The following PITPNC1 variants were observed in gnomAD, a reference collection of about 807,000 sequenced individuals.
The protein encoded by PITPNC1 is cytoplasmic phosphatidylinositol transfer protein 1.
In PITPNC1, 18 loss-of-function variants were observed where a neutral mutation model predicts 44.7. The observed-to-expected ratio is 0.40, with a 90% CI of 0.28 to 0.60. The LOEUF (loss-of-function observed/expected upper bound fraction) is 0.60. Ranked by LOEUF, PITPNC1 falls within the 20% of genes least tolerant of loss-of-function variation. The pLI is 0.39. For missense variants in PITPNC1, 290 were observed against 418.4 expected (o/e 0.69, Z 2.68); for synonymous variants, 141 against 149.6 (o/e 0.94, Z 0.42).
intron 5 of PITPNC1, among the ~76,000 whole-genome samples, chr17:67,606,529 C>G (rs1422907523): frequency 6.6e-6 from 1 of 152,262 alleles, no homozygotes; most frequent in African/African-American, 2.4e-5. Context: ...CCTGAGACCC[C>G]TGGCCCACAC....
chr17:67,383,565 C>A (rs2037996205), intron 1 of PITPNC1, among the ~76,000 whole-genome samples: 1 of 152,146 alleles, frequency 6.6e-6, no homozygotes, highest in Admixed American at 6.6e-5. Context: ...CCACTCGGTC[C>A]CAGTGAGCGA....
chr17:67,456,766 GTCTT>G (rs1219576177), intron 1 of PITPNC1, among the ~76,000 whole-genome samples: 2 of 151,868 alleles, frequency 1.3e-5, no homozygotes, highest in Non-Finnish European at 2.9e-5. Context: ...GTCTTTACTC[GTCTT>G]TCTAAGTACT....
intron 1 of PITPNC1, among the ~76,000 whole-genome samples, chr17:67,462,120 G>A (rs546450929): frequency 2.0e-5 from 3 of 151,050 alleles, no homozygotes; most frequent in East Asian, 1.9e-4. Flanking sequence ...TTATTTGCTT[G>A]GTCCTTTGAA....
rs147093538 is a variant in PITPNC1 at position 67,682,615 on chromosome 17, T to C, written c.682+7073T>C. On this transcript the variant is annotated intron_variant, in intron 8 of 8. Transcript: ENST00000581322. ...CAGGGCATGTGTGTTCCCAAAATAC[T>C]TCCCAGGGCTGTTTAACCTCTGATA... is the stretch of plus-strand genomic sequence containing the variant. Among the ~76,000 whole-genome samples the C allele has an allele frequency of 1.7e-3, 261 of 152,308 alleles. 1 individual carries two copies. The highest frequency in any genetic ancestry group is 5.9e-3 in the African/African-American group (246 of 41,560).
intron 1 of PITPNC1, among the ~76,000 whole-genome samples, chr17:67,480,622 C>T (rs977071898): frequency 6.6e-5 from 10 of 151,916 alleles, no homozygotes; most frequent in Admixed American, 6.6e-5. Context: ...TGGCTTATTT[C>T]TGTAGGAAAA....
At chr17:67,386,919 T>C (rs942285329) in intron 1 of PITPNC1, among the ~76,000 whole-genome samples, 1 of 152,066 alleles carries the variant, frequency 6.6e-6, no homozygotes. Flanking sequence ...AATTTCAGAC[T>C]AGAAATCAGG....
intron 5 of PITPNC1, among the ~76,000 whole-genome samples, chr17:67,588,182 T>G (rs1176695128): frequency 3.9e-5 from 6 of 152,112 alleles, no homozygotes; most frequent in Non-Finnish European, 8.8e-5. Flanking sequence ...GTTTATATTT[T>G]TAGTAGAGAC....
chr17:67,514,175 G>A (rs1402464108), intron 1 of PITPNC1, among the ~76,000 whole-genome samples: 2 of 152,056 alleles, frequency 1.3e-5, no homozygotes, highest in African/African-American at 4.8e-5. Flanking sequence ...ACTACTTGGT[G>A]TAGAATTCAC....
At chr17:67,379,608 C>T (rs2037927638) in intron 1 of PITPNC1, among the ~76,000 whole-genome samples, 1 of 152,074 alleles carries the variant, frequency 6.6e-6, no homozygotes, top group South Asian at 2.1e-4. Flanking sequence ...TGCATATGAC[C>T]TTGTAAGTGG....
intron 1 of PITPNC1, among the ~76,000 whole-genome samples, chr17:67,440,001 G>A (rs1474243437): frequency 6.6e-6 from 1 of 152,146 alleles, no homozygotes; most frequent in Admixed American, 6.5e-5. Flanking sequence ...AGGTAGGCAG[G>A]AGGAAGATGA....
chr17:67,686,925 ACTTACTCAT>A, intron 8 of PITPNC1: 2 of 617,642 alleles, frequency 3.2e-6, no homozygotes, highest in South Asian at 4.0e-5. Flanking sequence ...TAACTTTATG[ACTTACTCAT>A]CATAAAGTTA....
At chr17:67,408,374 A>G (rs201549781) in intron 1 of PITPNC1, among the ~76,000 whole-genome samples, 1 of 149,898 alleles carries the variant, frequency 6.7e-6, no homozygotes, top group East Asian at 2.1e-4. Flanking sequence ...TACTAAAAAT[A>G]CAAAAATTAG....
At chr17:67,460,740 C>CTTTTTT (rs138545288) in intron 1 of PITPNC1, among the ~76,000 whole-genome samples, 2 of 121,534 alleles carry the variant, frequency 1.6e-5, no homozygotes, top group East Asian at 2.9e-4. Flanking sequence ...TTCTTTCTTT[C>CTTTTTT]TTTTTTTTTT....
intron 5 of PITPNC1, among the ~76,000 whole-genome samples, chr17:67,599,028 ATATATATTTT>A (rs1429763066): frequency 0.014 from 443 of 32,446 alleles, 2 homozygotes; most frequent in African/African-American, 0.053. Flanking sequence ...ATATATATAT[ATATATATTTT>A]TTTTTTTTTT....
intron 5 of PITPNC1, among the ~76,000 whole-genome samples, chr17:67,606,971 C>T (rs1255483651): frequency 1.3e-5 from 2 of 152,172 alleles, no homozygotes; most frequent in Admixed American, 1.3e-4. Context: ...TCTGCAATAA[C>T]CCTTCCAACC....
At chr17:67,424,085 C>CAAAAAAA (rs71139144) in intron 1 of PITPNC1, among the ~76,000 whole-genome samples, 9 of 76,118 alleles carry the variant, frequency 1.2e-4, no homozygotes, top group Non-Finnish European at 1.5e-4. Flanking sequence ...GAGACTGTCT[C>CAAAAAAA]AAAAAAAAAA....
intron 2 of PITPNC1, among the ~76,000 whole-genome samples, chr17:67,551,962 C>A (rs1380386771): frequency 6.6e-6 from 1 of 152,204 alleles, no homozygotes; most frequent in Non-Finnish European, 1.5e-5. Flanking sequence ...AACATGGAAC[C>A]CTTCAGGCCC....
chr17:67,578,438 G>A (rs2041180394), intron 5 of PITPNC1, among the ~76,000 whole-genome samples, 181 bp downstream of exon 5: 1 of 152,128 alleles, frequency 6.6e-6, no homozygotes, highest in Admixed American at 6.6e-5. Flanking sequence ...TTCTTTTGTT[G>A]TCTAGCTTTT....
chr17:67,582,925 A>G (rs1229603554), intron 5 of PITPNC1, among the ~76,000 whole-genome samples: 1 of 152,182 alleles, frequency 6.6e-6, no homozygotes, highest in Non-Finnish European at 1.5e-5. Flanking sequence ...CTGGTGTTCA[A>G]TGGGGTTAAT....
Sources: allele counts gnomAD v4.1 joint callset (sites outside exome capture counted in the v4.1 genomes callset), GRCh38; gene constraint gnomAD v4.1.1; transcripts MANE v1.5; gene names NCBI Gene and HGNC (gene_info 2026-07-23, HGNC 2026-07-21).